Variants in PRIMPOL observed in about 807,000 individuals in gnomAD.
PRIMPOL encodes the protein DNA-directed primase/polymerase protein.
A neutral mutation model predicts 63.6 loss-of-function variants in PRIMPOL; 54 were observed. The ratio of observed to expected loss-of-function variants is 0.85; its 90% CI spans 0.68 to 1.07. The LOEUF (loss-of-function observed/expected upper bound fraction) is 1.07. PRIMPOL is among the 50% of genes least tolerant of loss of function. The probability of loss-of-function intolerance (pLI) is 0.00; values close to 1 mark genes in which losing one functional copy is unlikely to be tolerated. For missense variants in PRIMPOL, 610 were observed against 648.3 expected (o/e 0.94, Z 0.64); for synonymous variants, 197 against 220.2 (o/e 0.89, Z 0.93).
At chr4:184,659,865 G>T (rs1396819304) in intron 4 of PRIMPOL, among the ~76,000 whole-genome samples, 1 of 152,006 alleles carries the variant, frequency 6.6e-6, no homozygotes, top group Non-Finnish European at 1.5e-5. Context: ...TTGTTGCCCA[G>T]ACTGGTCTGC....
rs142974362 is a variant in PRIMPOL, at chr4:184,657,365, C to CTCT, written c.180+50_180+52dup. On this transcript the variant is annotated intron_variant, in intron 3 of 13. Coordinates refer to ENST00000314970, the MANE Select transcript of PRIMPOL (RefSeq NM_152683.4). ...CTTCTTCTTCCTCCTCTTCCACTTC[C>CTCT]TCTTCTTTCTTCTTCTTCTTCATTA... 11,779 of 1,364,842 alleles carry CTCT rather than the reference C, an allele frequency of 8.6e-3. 851 individuals carry two copies. In the African/African-American group the frequency reaches 0.15, roughly 18 times the overall value. The allele number at this position is 1,364,842 out of a possible 1,614,324, so 84.5% of individuals were successfully genotyped here. A position where few individuals can be genotyped will look rare whatever the true frequency, so the allele number is the denominator to read the frequency against.
intron 1 of PRIMPOL, among the ~76,000 whole-genome samples, chr4:184,651,284 C>G (rs763178787): frequency 2.1e-5 from 3 of 145,258 alleles, no homozygotes; most frequent in Non-Finnish European, 4.4e-5. Context: ...GAGCAAGACT[C>G]TGTCTCAAAA....
rs755014395 is a variant in PRIMPOL, at chr4:184,682,274, C to T, written c.1034C>T (p.Thr345Ile). The T allele has an allele frequency of 1.9e-5, 31 of 1,600,496 alleles. No homozygotes were observed. Among genetic ancestry groups the T allele is most frequent in the Non-Finnish European group, 2.6e-5 (30 of 1,168,408 alleles). The change falls in exon 9 of 14, where the codon ACA (threonine) becomes ATA (isoleucine). Residue 345 changes from threonine (T) to isoleucine (I), a missense_variant. Transcript: ENST00000314970. The part of the protein sequence containing the change: ...VRFSDTLRIL[T>I]CEPSQNKQKG... ...TTCTCAGATACTTTACGAATTCTTA[C>T]ATGTGAGCCATCTCAGAATAAACAA...
intron 13 of PRIMPOL, chr4:184,694,277 T>C (rs1759921812): frequency 7.2e-6 from 9 of 1,241,400 alleles, no homozygotes; most frequent in Non-Finnish European, 9.1e-6. Flanking sequence ...TTGAAAAGTA[T>C]GTGCACAGAA....
At chr4:184,686,852 A>C (rs1042945877) in intron 11 of PRIMPOL, among the ~76,000 whole-genome samples, 4 of 152,192 alleles carry the variant, frequency 2.6e-5, no homozygotes, top group African/African-American at 9.6e-5. Context: ...TGCTCAATAC[A>C]CAAAGCTATA....
chr4:184,680,089 C>T (rs28464879), intron 8 of PRIMPOL, among the ~76,000 whole-genome samples: 4,435 of 152,292 alleles, frequency 0.029, 202 homozygotes, highest in African/African-American at 0.1. Flanking sequence ...TGCCTTCATT[C>T]CCTGTTTTTC....
intron 5 of PRIMPOL, among the ~76,000 whole-genome samples, chr4:184,662,123 G>T (rs889861702): frequency 2.0e-5 from 3 of 151,940 alleles, no homozygotes; most frequent in African/African-American, 7.2e-5. Flanking sequence ...TTGCTGTCTG[G>T]TAAAAAAAAT....
At chr4:184,653,653 C>T (rs13136635) in intron 2 of PRIMPOL, among the ~76,000 whole-genome samples, 126,700 of 152,126 alleles carry the variant, frequency 0.83, 53,273 homozygotes, top group East Asian at 1. Flanking sequence ...CCGGGCGGAG[C>T]CCAATCTTTT....
At position 184,691,702 on chromosome 4, in the gene PRIMPOL, T is replaced by C; in HGVS notation, c.1415T>C (p.Leu472Pro). 2 of 1,611,938 alleles carry C rather than the reference T, an allele frequency of 1.2e-6. No individual in the cohort carries two copies. The highest frequency in any genetic ancestry group is 1.7e-6 in the Non-Finnish European group (2 of 1,178,380). Residue 472 changes from leucine to proline, a missense_variant, in exon 13 of 14, where the codon CTT becomes CCT. By Grantham distance (98) the Leu-to-Pro change is moderately conservative (BLOSUM62 -3). Coordinates refer to ENST00000314970, the MANE Select transcript of PRIMPOL (RefSeq NM_152683.4). ...PLPAEVCLLFLFKEEEEFTTD... is the reference protein window; with the variant it reads ...PLPAEVCLLFPFKEEEEFTTD... The stretch of plus-strand genomic sequence containing the variant: ...CCTGCTGAAGTATGTCTCCTGTTTC[T>C]TTTCAAAGAGGTAAGTACAGATTTT...
At chr4:184,667,524 A>C (rs544429652) in intron 6 of PRIMPOL, among the ~76,000 whole-genome samples, 12 of 152,222 alleles carry the variant, frequency 7.9e-5, no homozygotes, top group Non-Finnish European at 1.3e-4. Context: ...GTTAGCCAGG[A>C]TGGTCTTGAT....
At chr4:184,667,392 C>G (rs181419157) in intron 6 of PRIMPOL, among the ~76,000 whole-genome samples, 2,942 of 151,492 alleles carry the variant, frequency 0.019, 101 homozygotes, top group African/African-American at 0.066. Flanking sequence ...CTCACTGCAA[C>G]CTCCGCCTCC....
At chr4:184,657,343 C>A in intron 3 of PRIMPOL, 23 bp downstream of exon 3, 1 of 1,531,710 alleles carries the variant, frequency 6.5e-7, no homozygotes, top group Non-Finnish European at 8.9e-7. Context: ...TCCTCCTCTT[C>A]TTCTTCCTCC....
At chr4:184,651,367 C>T (rs1744412708) in intron 1 of PRIMPOL, among the ~76,000 whole-genome samples, 1 of 151,390 alleles carries the variant, frequency 6.6e-6, no homozygotes, top group African/African-American at 2.5e-5. Context: ...TCAGATCCCA[C>T]AAATAAGACT....
At chr4:184,692,201 C>G (rs943923849) in intron 13 of PRIMPOL, among the ~76,000 whole-genome samples, 1 of 152,068 alleles carries the variant, frequency 6.6e-6, no homozygotes, top group Non-Finnish European at 1.5e-5. Flanking sequence ...AGGTCAGGCA[C>G]AGTGGCTCAG....
chr4:184,687,855 A>C (rs1454269418), intron 11 of PRIMPOL, among the ~76,000 whole-genome samples: 1 of 152,182 alleles, frequency 6.6e-6, no homozygotes, highest in Non-Finnish European at 1.5e-5. Flanking sequence ...ACCTCAGGTG[A>C]TCTGCCTGCC....
intron 2 of PRIMPOL, among the ~76,000 whole-genome samples, chr4:184,655,640 G>A (rs934770754): frequency 5.9e-5 from 9 of 152,074 alleles, no homozygotes; most frequent in African/African-American, 2.2e-4. Context: ...ATCTTTTAGG[G>A]AGATTCTGGT....
intron 6 of PRIMPOL, among the ~76,000 whole-genome samples, chr4:184,669,020 C>T (rs72689256): frequency 0.13 from 20,042 of 152,088 alleles, 1,423 homozygotes; most frequent in Middle Eastern, 0.17. Flanking sequence ...TGGGCCTTTG[C>T]ACTTGCTGAT....
intron 2 of PRIMPOL, among the ~76,000 whole-genome samples, chr4:184,654,135 A>C (rs1347026569): frequency 6.6e-6 from 1 of 152,210 alleles, no homozygotes; most frequent in Non-Finnish European, 1.5e-5. Flanking sequence ...TCCTACCAAG[A>C]CTTTTACAAA....
At position 184,691,594 on chromosome 4, in the gene PRIMPOL, T is replaced by C; in HGVS notation, c.1378+13T>C. On this transcript the variant is annotated intron_variant, in intron 12 of 13. Coordinates refer to ENST00000314970, the MANE Select transcript of PRIMPOL (RefSeq NM_152683.4). ...TTCAAATCTGACTGTAAGTTACTAA[T>C]TTTTACATTTACCACAAAGTAAAAA... 6.2e-7 allele frequency: 1 copy of C among 1,603,622 alleles called. No homozygotes were observed. The highest frequency in any genetic ancestry group is 1.1e-5 in the South Asian group (1 of 90,716).
Sources: gnomAD v4.1 joint callset for allele counts (sites outside exome capture counted in the v4.1 genomes callset) on GRCh38, gnomAD v4.1.1 for gene constraint, MANE v1.5 for transcripts, NCBI Gene and HGNC (gene_info 2026-07-23, HGNC 2026-07-21) for gene names.